The following ATP1A4 variants were observed in gnomAD, a reference collection of about 807,000 sequenced individuals.
ATP1A4 encodes sodium/potassium-transporting ATPase subunit alpha-4.
In ATP1A4, 90 loss-of-function variants were observed where a neutral mutation model predicts 114.3. The observed-to-expected ratio is 0.79, with a 90% confidence interval of 0.66 to 0.94. The LOEUF (loss-of-function observed/expected upper bound fraction) is 0.94, where lower values mean the gene tolerates loss of function less well. Among genes scored for constraint, ATP1A4 ranks in the 40% least tolerant of loss-of-function variants. The pLI is 0.00. For synonymous variants in ATP1A4, 511 were observed against 494.1 expected (o/e 1.03, Z -0.45); for missense variants, 1,222 against 1,313.6 (o/e 0.93, Z 1.08).
intron 14 of ATP1A4, 119 bp downstream of exon 14, chr1:160,174,380 C>G (rs1653379388): frequency 6.9e-7 from 1 of 1,458,540 alleles, no homozygotes; most frequent in African/African-American, 1.4e-5. Context: ...AGTACCCCAT[C>G]TGGAACCTCC....
Position 160,167,340 on chromosome 1 carries a change from C to A in ATP1A4, c.1419C>A (p.Ser473Arg). Residue 473 changes from serine (S) to arginine (R), a missense_variant, in exon 10 of 22, where the codon AGC becomes AGA. Physicochemically the swap from Ser to Arg is moderately radical, Grantham distance 110. Transcript: ENST00000368081. ...ALLKFIEQSY[S>R]SVAEMREKNP... is the part of the protein sequence containing the mutation. The stretch of plus-strand genomic sequence containing the variant: ...TCAAGTTCATCGAGCAGTCTTACAG[C>A]TCTGTGGCGGAGATGAGAGAGAAAA... The A allele has an allele frequency of 6.2e-7, 1 of 1,611,618 alleles. No individual in the cohort carries two copies. The highest frequency in any genetic ancestry group is 8.5e-7 in the Non-Finnish European group (1 of 1,179,480).
At chr1:160,186,400 T>A in intron 21 of ATP1A4, 33 bp downstream of exon 21, 1 of 1,513,718 alleles carries the variant, frequency 6.6e-7, no homozygotes, top group Non-Finnish European at 9.1e-7. Flanking sequence ...TCTGACTGAG[T>A]GGTCACCAGC....
intron 8 of ATP1A4, 65 bp from the exon 9 acceptor site, chr1:160,166,903 T>A: frequency 1.3e-6 from 2 of 1,552,692 alleles, no homozygotes; most frequent in Non-Finnish European, 1.8e-6. Flanking sequence ...CCAAAGAGGA[T>A]GTGAATAACC....
Position 160,164,423 on chromosome 1 carries a change from C to T in ATP1A4, c.1046C>T (p.Thr349Ile). The change falls in exon 7 of 22, where the codon ACT (threonine) becomes ATT (isoleucine). Residue 349 changes from threonine (T) to isoleucine (I), a missense_variant and splice_region_variant. Physicochemically the swap from Thr to Ile is moderately conservative, Grantham distance 89. Transcript: ENST00000368081. ...NVPEGLLATV[T>I]VCLTLTAKRM... ...CCTGAGGGGCTGTTGGCCACAGTCA[C>T]TGTGAGTAGACAGGGTGGAAAATGG... 2 of 1,614,046 alleles carry T rather than the reference C, an allele frequency of 1.2e-6. No individual in the cohort carries two copies. Among genetic ancestry groups the T allele is most frequent in the Non-Finnish European group, 1.7e-6 (2 of 1,179,958 alleles).
intron 18 of ATP1A4, among the ~76,000 whole-genome samples, chr1:160,179,705 C>CTGTT (rs1653611679): frequency 6.6e-6 from 1 of 152,134 alleles, no homozygotes; most frequent in Admixed American, 6.5e-5. Context: ...CTTCTATGTA[C>CTGTT]CAGGTACTGT....
Position 160,166,536 on chromosome 1 carries a change from G to C in ATP1A4, c.1056G>C (p.Leu352=), listed in dbSNP as rs1380035476. ...EGLLATVTVC[L]TLTAKRMARK... is the part of the protein sequence containing the mutation. ...TCTCTTCTTGGCTTTAGGTGTGCCT[G>C]ACCCTCACAGCCAAGCGCATGGCGC... Residue 352 remains leucine (L), a synonymous_variant, in exon 8 of 22, where the codon CTG becomes CTC. Coordinates refer to ENST00000368081, the MANE Select transcript of ATP1A4 (RefSeq NM_144699.4). 2.5e-6 allele frequency: 4 copies of C among 1,614,126 alleles called. No individual in the cohort carries two copies. Among genetic ancestry groups the C allele is most frequent in the African/African-American group, 2.7e-5 (2 of 74,946 alleles).
chr1:160,177,326 G>A (rs1653505187), intron 17 of ATP1A4, 193 bp from the exon 18 acceptor site: 2 of 547,808 alleles, frequency 3.7e-6, no homozygotes, highest in Non-Finnish European at 6.4e-6. Flanking sequence ...AAATGTCAGG[G>A]CTTGAAGGAA....
chr1:160,159,258 A>G lies in ATP1A4; in HGVS notation c.660+122A>G, dbSNP rs1652784384. On this transcript the variant is annotated intron_variant, in intron 5 of 21. Coordinates refer to ENST00000368081, the MANE Select transcript of ATP1A4 (RefSeq NM_144699.4). ...GAATCTTGAGAAGTTACAAGTGCAG[A>G]TTTGATGTTAGAGACAACAGATGTG... 4.2e-6 allele frequency: 6 copies of G among 1,435,430 alleles called. No homozygotes were observed. In the Admixed American group the frequency reaches 1.1e-4, roughly 26 times the overall value. The allele number at this position is 1,435,430 out of a possible 1,614,324, so 88.9% of individuals were successfully genotyped here.
Position 160,166,599 on chromosome 1 carries a change from G to A in ATP1A4, c.1119G>A (p.Glu373=). Residue 373 remains glutamate (E), a synonymous_variant, in exon 8 of 22, where the codon GAG becomes GAA. Coordinates refer to ENST00000368081, the MANE Select transcript of ATP1A4 (RefSeq NM_144699.4). ...NCLVKNLEAV[E]TLGSTSTICS... ...TGGTGAAGAACCTGGAGGCGGTGGA[G>A]ACGCTGGGCTCCACGTCCACCATCT... 1 of 1,614,250 alleles carries A rather than the reference G, an allele frequency of 6.2e-7. No homozygotes were observed. The highest frequency in any genetic ancestry group is 1.7e-5 in the Admixed American group (1 of 60,034).
chr1:160,157,204 G>C (rs978064449), intron 4 of ATP1A4, among the ~76,000 whole-genome samples: 1 of 146,022 alleles, frequency 6.8e-6, no homozygotes, highest in African/African-American at 2.5e-5. Flanking sequence ...TTTTATTTTA[G>C]ATTCGGGGAT....
At chr1:160,153,669 T>C (rs1366370653) in intron 2 of ATP1A4, among the ~76,000 whole-genome samples, 1 of 152,236 alleles carries the variant, frequency 6.6e-6, no homozygotes, top group Non-Finnish European at 1.5e-5. Context: ...AACTGTATTT[T>C]TCAAAACAAA....
At chr1:160,165,420 T>G (rs1312904737) in intron 7 of ATP1A4, among the ~76,000 whole-genome samples, 1 of 152,216 alleles carries the variant, frequency 6.6e-6, no homozygotes, top group East Asian at 1.9e-4. Context: ...TTCAAGTCCT[T>G]TTCAATGCTG....
Position 160,167,421 on chromosome 1 carries a change from C to T in ATP1A4, c.1491+9C>T. On this transcript the variant is annotated intron_variant, in intron 10 of 21. Transcript: ENST00000368081. Reference sequence around the variant, plus strand: ...CTACCAACAAGTACCAGGTACAGAACCCACAAAGGTAGGAGAATGGTGGTG... The same window carrying T: ...CTACCAACAAGTACCAGGTACAGAATCCACAAAGGTAGGAGAATGGTGGTG... 2 of 1,610,632 alleles carry T rather than the reference C, an allele frequency of 1.2e-6. No individual in the cohort carries two copies. The highest frequency in any genetic ancestry group is 1.1e-5 in the South Asian group (1 of 90,656).
chr1:160,158,180 G>A (rs1284844789), intron 4 of ATP1A4, among the ~76,000 whole-genome samples: 1 of 152,202 alleles, frequency 6.6e-6, no homozygotes, highest in African/African-American at 2.4e-5. Context: ...TTCTGTGGCT[G>A]TGCTGTTGTT....
Position 160,156,092 on chromosome 1 carries a change from CT to C in ATP1A4, c.461del (p.Phe154SerfsTer26). 6.2e-7 allele frequency: 1 copy of C among 1,614,062 alleles called. No individual in the cohort carries two copies. ...LSVVVIVTGC[F>X]SYYQEAKSSK... ...CCGTCGTGGTCATCGTCACTGGCTG[CT>C]TCTCCTATTATCAGGAGGCCAAGAG... is the stretch of plus-strand genomic sequence containing the variant. On this transcript the variant is annotated frameshift_variant, in exon 4 of 22. Coordinates refer to ENST00000368081, the MANE Select transcript of ATP1A4 (RefSeq NM_144699.4). LOFTEE classifies it high-confidence loss of function.
chr1:160,159,596 C>G lies in ATP1A4; in HGVS notation c.778+70C>G, dbSNP rs959748667. ...AAAACATAAAGATTTTAATAACTGT[C>G]TTCTAAAGGTAGCGAGGTAGGTAAG... On this transcript the variant is annotated intron_variant, in intron 6 of 21. Transcript: ENST00000368081. The G allele has an allele frequency of 9.4e-6, 13 of 1,378,216 alleles. No homozygotes were observed. The African/African-American group carries it at 1.6e-4, about 17-fold the overall frequency. The allele number at this position is 1,378,216 out of a possible 1,614,324, so 85.4% of individuals were successfully genotyped here.
Position 160,177,583 on chromosome 1 carries a change from G to C in ATP1A4, c.2655G>C (p.Arg885Ser), listed in dbSNP as rs767886347. 1 of 1,614,164 alleles carries C rather than the reference G, an allele frequency of 6.2e-7. No individual in the cohort carries two copies. ...YFVILAENGF[R>S]PVDLLGIRLH... ...TAATCCTGGCTGAGAATGGTTTTAG[G>C]CCTGTTGATCTGCTGGGCATCCGCC... The change falls in exon 18 of 22, where the codon AGG becomes AGC. Residue 885 changes from arginine (R) to serine (S), a missense_variant. Transcript: ENST00000368081.
intron 17 of ATP1A4, chr1:160,177,258 C>A: frequency 2.4e-6 from 1 of 415,194 alleles, no homozygotes; most frequent in Non-Finnish European, 4.3e-6. Context: ...CCTCTAAAGT[C>A]CTTTTTAGTT....
intron 7 of ATP1A4, 124 bp downstream of exon 7, chr1:160,164,548 A>C: frequency 9.8e-7 from 1 of 1,021,812 alleles, no homozygotes; most frequent in Non-Finnish European, 1.4e-6. Context: ...GTAAATAGGT[A>C]TCAGGAATAA....
Sources: allele counts gnomAD v4.1 joint callset (sites outside exome capture counted in the v4.1 genomes callset), GRCh38; gene constraint gnomAD v4.1.1; transcripts MANE v1.5; gene names NCBI Gene and HGNC (gene_info 2026-07-23, HGNC 2026-07-21).